Variants in MGLL observed in about 807,000 individuals in gnomAD.
The protein encoded by MGLL is monoglyceride lipase.
In MGLL, 7 loss-of-function variants were observed where a neutral mutation model predicts 29.1. The ratio of observed to expected loss-of-function variants is 0.24; its 90% CI spans 0.14 to 0.45. The LOEUF is 0.45. Among genes scored for constraint, MGLL ranks in the 20% least tolerant of loss-of-function variants. MGLL has a pLI of 0.99. For synonymous variants in MGLL, 148 were observed against 168.3 expected, an observed-to-expected ratio of 0.88 and a Z score of 0.93; for missense variants, 356 against 413.6, an observed-to-expected ratio of 0.86 and a Z score of 1.21.
chr3:127,726,160 GAA>G (rs1164166330), intron 3 of MGLL, among the ~76,000 whole-genome samples: 1 of 26,500 alleles, frequency 3.8e-5, no homozygotes, highest in East Asian at 6.8e-4. Flanking sequence ...AAGAAAGAAA[GAA>G]AGAAAGAAAG....
At chr3:127,697,617 G>T (rs2075394629) in intron 6 of MGLL, among the ~76,000 whole-genome samples, 1 of 152,206 alleles carries the variant, frequency 6.6e-6, no homozygotes, top group South Asian at 2.1e-4. Context: ...GCAGCTAGGT[G>T]TGGTCACATG....
intron 2 of MGLL, among the ~76,000 whole-genome samples, chr3:127,786,860 T>A (rs1227534896): frequency 1.3e-5 from 2 of 152,202 alleles, no homozygotes; most frequent in Admixed American, 6.5e-5. Context: ...GGAAGCCATT[T>A]GCTCCGATGG....
At chr3:127,811,919 T>C (rs1242816458) in intron 2 of MGLL, among the ~76,000 whole-genome samples, 4 of 152,154 alleles carry the variant, frequency 2.6e-5, no homozygotes, top group Admixed American at 2.0e-4. Flanking sequence ...AGAAGACCCA[T>C]CCAGCTGAGC....
chr3:127,734,257 A>G (rs987330857), intron 3 of MGLL, among the ~76,000 whole-genome samples: 2 of 152,218 alleles, frequency 1.3e-5, no homozygotes, highest in Middle Eastern at 3.2e-3. Context: ...TCCAGGTGCT[A>G]ACCTGGGACT....
At chr3:127,810,920 A>C (rs1441986799) in intron 2 of MGLL, among the ~76,000 whole-genome samples, 2 of 136,378 alleles carry the variant, frequency 1.5e-5, no homozygotes, top group African/African-American at 7.4e-5. Context: ...GCCATACTGT[A>C]ACTCCCACTC....
intron 2 of MGLL, among the ~76,000 whole-genome samples, chr3:127,819,236 C>T (rs895587768): frequency 6.6e-6 from 1 of 152,198 alleles, no homozygotes; most frequent in Non-Finnish European, 1.5e-5. Context: ...TCTTGGAACC[C>T]AGCAGGTCCT....
Position 127,761,111 on chromosome 3 carries a change from C to G in MGLL, c.262+20678G>C, listed in dbSNP as rs1188226511. Among the ~76,000 whole-genome samples the G allele has an allele frequency of 1.3e-5, 2 of 152,242 alleles. No homozygotes were observed. The highest frequency in any genetic ancestry group is 4.8e-5 in the African/African-American group (2 of 41,454). On this transcript the variant is annotated intron_variant, in intron 3 of 7. Coordinates refer to ENST00000265052, the MANE Select transcript of MGLL (RefSeq NM_007283.7). This position sits in a 1 kb window ranked among gnomAD's most constrained non-coding sequence, Gnocchi z 4.6. Reference sequence around the variant, plus strand: ...TGCCTTGTAATTCTGCAAGCCTTCACTGAGCAGCTGCTATGAGCAAGGTGC... The same window carrying G: ...TGCCTTGTAATTCTGCAAGCCTTCAGTGAGCAGCTGCTATGAGCAAGGTGC...
chr3:127,771,118 C>T (rs1300512381), intron 3 of MGLL, among the ~76,000 whole-genome samples: 1 of 152,194 alleles, frequency 6.6e-6, no homozygotes, highest in Admixed American at 6.5e-5. Flanking sequence ...TATGTCTCAA[C>T]CCTACAATTT....
At chr3:127,723,614 A>G (rs1413038655) in intron 3 of MGLL, among the ~76,000 whole-genome samples, 2 of 151,390 alleles carry the variant, frequency 1.3e-5, no homozygotes, top group South Asian at 2.1e-4. Flanking sequence ...CCCTCTCAGC[A>G]GCACTCCCCC....
intron 3 of MGLL, among the ~76,000 whole-genome samples, chr3:127,728,147 C>T (rs930440068): frequency 1.3e-5 from 2 of 152,162 alleles, no homozygotes; most frequent in Non-Finnish European, 2.9e-5. Flanking sequence ...GTACTTGACA[C>T]AACAGTCAGA....
chr3:127,730,699 G>A (rs1449280633), intron 3 of MGLL, among the ~76,000 whole-genome samples: 2 of 152,298 alleles, frequency 1.3e-5, no homozygotes, highest in South Asian at 4.1e-4. Flanking sequence ...TCACATGTGA[G>A]TTGATCACAG....
intron 5 of MGLL, among the ~76,000 whole-genome samples, chr3:127,720,379 C>T (rs972713905): frequency 6.6e-6 from 1 of 152,146 alleles, no homozygotes; most frequent in African/African-American, 2.4e-5. Flanking sequence ...TAAACTGATA[C>T]CTTGTCAACA....
chr3:127,744,167 T>G (rs980054462), intron 3 of MGLL, among the ~76,000 whole-genome samples: 4 of 152,176 alleles, frequency 2.6e-5, no homozygotes, highest in African/African-American at 9.7e-5. Context: ...TGTAACCAAC[T>G]AAAAGGCTGC....
At chr3:127,693,415 GA>G (rs1485912628) in intron 7 of MGLL, among the ~76,000 whole-genome samples, 1 of 152,174 alleles carries the variant, frequency 6.6e-6, no homozygotes, top group Admixed American at 6.5e-5. Flanking sequence ...ATCTAACCAA[GA>G]GAAGAAGTTT....
intron 3 of MGLL, among the ~76,000 whole-genome samples, chr3:127,775,433 G>A (rs2077016808): frequency 6.6e-6 from 1 of 151,980 alleles, no homozygotes; most frequent in African/African-American, 2.4e-5. Flanking sequence ...TGTCTCCCTG[G>A]ATGAAAAACA....
intron 2 of MGLL, among the ~76,000 whole-genome samples, chr3:127,801,343 G>A (rs551956470): frequency 4.1e-5 from 6 of 148,048 alleles, no homozygotes; most frequent in South Asian, 4.2e-4. Flanking sequence ...ACGGCCAGGC[G>A]CGGCGGCTCA....
At chr3:127,772,360 T>C (rs921216950) in intron 3 of MGLL, among the ~76,000 whole-genome samples, 2 of 152,226 alleles carry the variant, frequency 1.3e-5, no homozygotes, top group African/African-American at 4.8e-5. Context: ...TAGCCCATTT[T>C]ACAGATGAGG....
At chr3:127,772,527 A>G (rs2076967327) in intron 3 of MGLL, among the ~76,000 whole-genome samples, 1 of 152,240 alleles carries the variant, frequency 6.6e-6, no homozygotes, top group Admixed American at 6.5e-5. Context: ...CATGCAAAGC[A>G]TTCCCACAGT....
chr3:127,706,629 G>C (rs75419697), intron 6 of MGLL, among the ~76,000 whole-genome samples: 1 of 152,230 alleles, frequency 6.6e-6, no homozygotes, highest in African/African-American at 2.4e-5. Flanking sequence ...TCTAGTGCCT[G>C]TTGTTTTTTT....
Sources: gnomAD v4.1 joint callset for allele counts (sites outside exome capture counted in the v4.1 genomes callset) on GRCh38, gnomAD v4.1.1 for gene constraint, Gnocchi (gnomAD v3.1) non-coding constraint, MANE v1.5 for transcripts, NCBI Gene and HGNC (gene_info 2026-07-23, HGNC 2026-07-21) for gene names.